ILKAP: variants seen among roughly 807,000 people sequenced by gnomAD.
The protein encoded by ILKAP is ILK associated serine/threonine phosphatase.
Under a neutral mutation model 49.1 loss-of-function variants are expected in ILKAP, and 11 were observed. The ratio of observed to expected loss-of-function variants is 0.22; its 90% CI spans 0.14 to 0.37. The LOEUF (loss-of-function observed/expected upper bound fraction) is 0.37, where lower values mean the gene tolerates loss of function less well. ILKAP is among the 10% of genes least tolerant of loss of function. The pLI is 1.00. For missense variants in ILKAP, 363 were observed against 510.8 expected (o/e 0.71, Z 2.79); for synonymous variants, 186 against 192.8 (o/e 0.96, Z 0.29).
intron 9 of ILKAP, chr2:238,173,909 T>C (rs552920919): frequency 2.1e-6 from 1 of 481,044 alleles, no homozygotes; most frequent in Admixed American, 3.6e-5. Context: ...CAAGCAGTGC[T>C]GCCCAGCTTA....
chr2:238,188,991 A>C (rs1694013523), intron 4 of ILKAP, among the ~76,000 whole-genome samples: 1 of 152,216 alleles, frequency 6.6e-6, no homozygotes, highest in South Asian at 2.1e-4. Context: ...TCACTGAGGT[A>C]ATCTGTGACA....
intron 9 of ILKAP, among the ~76,000 whole-genome samples, chr2:238,178,507 C>T (rs775146138): frequency 1.3e-5 from 2 of 152,264 alleles, no homozygotes; most frequent in Non-Finnish European, 2.9e-5. Context: ...AATTTTGATA[C>T]TATGAAACTG....
At chr2:238,202,500 A>C (rs1694610212) in intron 1 of ILKAP, among the ~76,000 whole-genome samples, 1 of 152,200 alleles carries the variant, frequency 6.6e-6, no homozygotes, top group Non-Finnish European at 1.5e-5. Flanking sequence ...ACTGGTCTCC[A>C]GCCCCCGCTG....
At chr2:238,174,234 A>G (rs1331299927) in intron 9 of ILKAP, among the ~76,000 whole-genome samples, 4 of 152,134 alleles carry the variant, frequency 2.6e-5, no homozygotes, top group Non-Finnish European at 5.9e-5. Flanking sequence ...CACCCATTCT[A>G]TTTTAGGTGA....
At chr2:238,189,706 G>T in intron 4 of ILKAP, 147 bp downstream of exon 4, 1 of 630,178 alleles carries the variant, frequency 1.6e-6, no homozygotes, top group Non-Finnish European at 2.6e-6. Flanking sequence ...AGAGAAACTT[G>T]GAAATTCATT....
At chr2:238,183,074 G>A (rs1056932580) in intron 8 of ILKAP, among the ~76,000 whole-genome samples, 2 of 152,200 alleles carry the variant, frequency 1.3e-5, no homozygotes, top group South Asian at 4.1e-4. Context: ...GAGGAGGCAG[G>A]GTCTGCATCC....
chr2:238,203,024 A>T (rs1694636862), intron 1 of ILKAP, among the ~76,000 whole-genome samples: 1 of 152,146 alleles, frequency 6.6e-6, no homozygotes, highest in Non-Finnish European at 1.5e-5. Context: ...AAAAACGCCA[A>T]GCCCCTGAAC....
At chr2:238,173,713 TAGAATCTC>T in intron 9 of ILKAP, 60 bp from the exon 10 acceptor site, 1 of 1,553,534 alleles carries the variant, frequency 6.4e-7, no homozygotes, top group Non-Finnish European at 8.8e-7. Flanking sequence ...CCACAGTACT[TAGAATCTC>T]ACCTTAAAAG....
At chr2:238,193,969 C>G (rs1273544050) in intron 3 of ILKAP, among the ~76,000 whole-genome samples, 2 of 152,156 alleles carry the variant, frequency 1.3e-5, no homozygotes, top group East Asian at 3.8e-4. Flanking sequence ...CAAGGCAAAT[C>G]GGAATAATGA....
intron 9 of ILKAP, among the ~76,000 whole-genome samples, chr2:238,175,585 G>A (rs1693415152): frequency 6.6e-6 from 1 of 152,144 alleles, no homozygotes; most frequent in Non-Finnish European, 1.5e-5. Flanking sequence ...ATACCTGTCA[G>A]TTCAACAAAG....
chr2:238,170,411 AAAAG>A lies in ILKAP; in HGVS notation c.*121_*124del. ...TAATAACTCAAAAGACTAGGAAAAA[AAAAG>A]AGAAACCTTTATTTACAACCATGGG... On this transcript the variant is annotated 3_prime_UTR_variant, in exon 12 of 12. Coordinates refer to ENST00000254654, the MANE Select transcript of ILKAP (RefSeq NM_030768.3). The A allele has an allele frequency of 2.7e-6, 3 of 1,118,568 alleles. No individual in the cohort carries two copies. In the South Asian group the frequency reaches 5.0e-5, roughly 19 times the overall value. 69.3% of individuals were successfully genotyped at this position (1,118,568 alleles called of 1,614,324 possible).
chr2:238,188,307 TG>T, intron 4 of ILKAP, 50 bp from the exon 5 acceptor site: 1 of 1,592,546 alleles, frequency 6.3e-7, no homozygotes. Flanking sequence ...CCCAACCCTC[TG>T]GAAACCCTAG....
At chr2:238,171,156 T>TC in intron 10 of ILKAP, 132 bp from the exon 11 acceptor site, 1 of 607,924 alleles carries the variant, frequency 1.6e-6, no homozygotes, top group Non-Finnish European at 2.8e-6. Context: ...TTTTTTTCTT[T>TC]TTTCTTTTTT....
At chr2:238,193,555 T>C (rs1449126346) in intron 3 of ILKAP, among the ~76,000 whole-genome samples, 1 of 152,238 alleles carries the variant, frequency 6.6e-6, no homozygotes, top group Non-Finnish European at 1.5e-5. Context: ...CTAAGGGTAC[T>C]ATCTTTATTG....
At chr2:238,172,146 G>A (rs2106324869) in intron 10 of ILKAP, among the ~76,000 whole-genome samples, 1 of 152,142 alleles carries the variant, frequency 6.6e-6, no homozygotes, top group South Asian at 2.1e-4. Flanking sequence ...CCGCCTCCCA[G>A]GTTCAAGTGA....
chr2:238,172,661 A>C (rs1484907591), intron 10 of ILKAP, among the ~76,000 whole-genome samples: 1 of 152,202 alleles, frequency 6.6e-6, no homozygotes, highest in Non-Finnish European at 1.5e-5. Context: ...GCAGTGGCTC[A>C]AGACAAGGCC....
chr2:238,193,257 G>A (rs975363856), intron 3 of ILKAP, among the ~76,000 whole-genome samples: 2 of 152,040 alleles, frequency 1.3e-5, no homozygotes, highest in African/African-American at 4.8e-5. Context: ...GTCTTTCTCT[G>A]TCACCCAGGC....
intron 1 of ILKAP, among the ~76,000 whole-genome samples, chr2:238,197,993 G>A (rs35378834): frequency 0.28 from 42,670 of 151,930 alleles, 6,368 homozygotes; most frequent in South Asian, 0.37. Flanking sequence ...CATGCAGTCC[G>A]TGCTTTTAGT....
intron 1 of ILKAP, 73 bp from the exon 2 acceptor site, chr2:238,194,943 G>T: frequency 8.1e-7 from 1 of 1,237,266 alleles, no homozygotes; most frequent in Non-Finnish European, 1.2e-6. Flanking sequence ...GGAAGATCAT[G>T]TGGTCTCCCC....
Sources: gnomAD v4.1 joint callset for allele counts (sites outside exome capture counted in the v4.1 genomes callset) on GRCh38, gnomAD v4.1.1 for gene constraint, MANE v1.5 for transcripts, NCBI Gene and HGNC (gene_info 2026-07-23, HGNC 2026-07-21) for gene names.